PRG4: variants seen among roughly 807,000 people sequenced by gnomAD.
PRG4 encodes the protein articular superficial zone protein.
A neutral mutation model predicts 91.2 loss-of-function variants in PRG4; 61 were observed. The observed-to-expected ratio is 0.67, with a 90% CI of 0.54 to 0.83. The LOEUF (loss-of-function observed/expected upper bound fraction) is 0.83, where lower values mean the gene tolerates loss of function less well. PRG4 is among the 40% of genes least tolerant of loss of function. The pLI, the probability that PRG4 is intolerant of heterozygous loss-of-function variation, is 0.00. For synonymous variants in PRG4, 576 were observed against 614.2 expected (o/e 0.94, Z 0.92); for missense variants, 1,564 against 1,714.2 (o/e 0.91, Z 1.55).
rs1377833189 is a variant in PRG4 at position 186,313,939 on chromosome 1, C to T, written c.*161C>T. ...ATTACACTAAAACAGATTTGATAATCTTATTCACAGTTGTTATTGTTTACA... is the reference window on the plus strand; with the variant it reads ...ATTACACTAAAACAGATTTGATAATTTTATTCACAGTTGTTATTGTTTACA... On this transcript the variant is annotated 3_prime_UTR_variant, in exon 13 of 13. Coordinates refer to ENST00000445192, the MANE Select transcript of PRG4 (RefSeq NM_005807.6). 7 of 1,601,980 alleles carry T rather than the reference C, an allele frequency of 4.4e-6. No individual in the cohort carries two copies. The African/African-American group carries it at 5.4e-5, about 12-fold the overall frequency.
chr1:186,296,717 G>C (rs1243011469), intron 1 of PRG4, 129 bp from the exon 2 acceptor site: 2 of 637,774 alleles, frequency 3.1e-6, no homozygotes, highest in African/African-American at 1.8e-5. Context: ...CTGATTTAAA[G>C]TCTTGTTTCA....
chr1:186,309,981 T>C (rs1657058698), intron 8 of PRG4, 111 bp downstream of exon 8: 5 of 837,850 alleles, frequency 6.0e-6, no homozygotes, highest in South Asian at 4.1e-5. Context: ...GGGAATCTGA[T>C]TGATAAGCAC....
At position 186,307,504 on chromosome 1, in the gene PRG4, C is replaced by G; in HGVS notation, c.1785C>G (p.Thr595=). Residue 595 remains threonine (T), a synonymous_variant, in exon 7 of 13, where the codon ACC becomes ACG. Coordinates refer to ENST00000445192, the MANE Select transcript of PRG4 (RefSeq NM_005807.6). ...APTTPKEPAP[T]TTKKPAPTTP... is the part of the protein sequence containing the mutation. ...CCACTCCCAAGGAACCTGCACCCAC[C>G]ACCACCAAGAAGCCTGCACCCACCA... 6.4e-7 allele frequency: 1 copy of G among 1,563,908 alleles called. No individual in the cohort carries two copies. The highest frequency in any genetic ancestry group is 1.7e-5 in the Admixed American group (1 of 57,538).
At chr1:186,312,544 T>C in intron 11 of PRG4, 172 bp downstream of exon 11, 1 of 811,662 alleles carries the variant, frequency 1.2e-6, no homozygotes. Context: ...ACCAATACTT[T>C]CTTTTTCCTT....
chr1:186,304,313 G>A, intron 5 of PRG4, 56 bp downstream of exon 5: 29 of 1,547,334 alleles, frequency 1.9e-5, no homozygotes, highest in Non-Finnish European at 2.1e-5. Context: ...TAACTTGTAG[G>A]TGACTGCTTA....
At chr1:186,313,407 TCAAAC>T in intron 12 of PRG4, 1 of 387,924 alleles carries the variant, frequency 2.6e-6, no homozygotes, top group Non-Finnish European at 4.6e-6. Context: ...AAATTATTTT[TCAAAC>T]TTGGTTACTC....
At chr1:186,310,936 T>C (rs1160567493) in intron 8 of PRG4, 98 bp from the exon 9 acceptor site, 3 of 1,340,026 alleles carry the variant, frequency 2.2e-6, no homozygotes, top group African/African-American at 1.4e-5. Flanking sequence ...CTTCCAGTCA[T>C]ACAATGCATA....
chr1:186,299,804 A>G (rs1355740162), intron 2 of PRG4, among the ~76,000 whole-genome samples: 2 of 152,228 alleles, frequency 1.3e-5, no homozygotes, highest in East Asian at 1.9e-4. Flanking sequence ...TAGTAGCTGT[A>G]GCTGCCACCT....
chr1:186,297,099 A>G, intron 2 of PRG4, 148 bp downstream of exon 2: 2 of 711,454 alleles, frequency 2.8e-6, no homozygotes, highest in Non-Finnish European at 4.8e-6. Flanking sequence ...TATAACATGT[A>G]GCCTGTTTGT....
rs747017444 is a variant in PRG4, at chr1:186,309,139, C to T, written c.3420C>T (p.Ser1140=). Residue 1140 remains serine (S), a splice_region_variant and synonymous_variant, in exon 7 of 13, where the codon TCC becomes TCT. Transcript: ENST00000445192. ...NQGIIINPML[S]DETNICNGKP... ...GCATTATCATCAATCCCATGCTTTC[C>T]GGTATTAAGAATCAGTTATTTTCAT... The T allele has an allele frequency of 2.7e-5, 43 of 1,609,500 alleles. No individual in the cohort carries two copies. The highest frequency in any genetic ancestry group is 1.9e-4 in the African/African-American group (14 of 74,858).
intron 6 of PRG4, among the ~76,000 whole-genome samples, 172 bp downstream of exon 6, chr1:186,305,094 C>A (rs940765632): frequency 2.6e-5 from 4 of 152,170 alleles, no homozygotes; most frequent in Non-Finnish European, 4.4e-5. Flanking sequence ...GAAATTAGTG[C>A]CAAGCGGCTA....
chr1:186,304,808 G>C lies in PRG4; in HGVS notation c.484G>C (p.Glu162Gln). 6 of 1,611,936 alleles carry C rather than the reference G, an allele frequency of 3.7e-6. No individual in the cohort carries two copies. Among genetic ancestry groups the C allele is most frequent in the Non-Finnish European group, 4.2e-6 (5 of 1,178,292 alleles). The change falls in exon 6 of 13, where the codon GAA becomes CAA. Residue 162 changes from glutamate to glutamine, a missense_variant. Coordinates refer to ENST00000445192, the MANE Select transcript of PRG4 (RefSeq NM_005807.6). The stretch of plus-strand genomic sequence containing the variant: ...TTGATTTATAGAACATTCTGTTTCT[G>C]AAAATCAAGAGTCCTCCTCCTCCTC... ...EEITEEHSVS[E>Q]NQESSSSSSS... is the part of the protein sequence containing the mutation.
chr1:186,303,695 T>C (rs1484696213), intron 4 of PRG4, among the ~76,000 whole-genome samples: 1 of 151,938 alleles, frequency 6.6e-6, no homozygotes, highest in Non-Finnish European at 1.5e-5. Context: ...TTAATTTAAA[T>C]GAATATTAAA....
At position 186,301,719 on chromosome 1, in the gene PRG4, T is replaced by A; in HGVS notation, c.319+8T>A. On this transcript the variant is annotated splice_region_variant and intron_variant, in intron 4 of 12. Transcript: ENST00000445192. ...AGAGTTTCTGTGCAGAAGGTAAGCA[T>A]CACAGTACCAACCAATGCTTCTCAG... 6.2e-7 allele frequency: 1 copy of A among 1,613,304 alleles called. No individual in the cohort carries two copies. The highest frequency in any genetic ancestry group is 1.1e-5 in the South Asian group (1 of 91,072).
Position 186,307,539 on chromosome 1 carries a change from A to T in PRG4, c.1820A>T (p.Glu607Val). 6.3e-7 allele frequency: 1 copy of T among 1,580,498 alleles called. No homozygotes were observed. The highest frequency in any genetic ancestry group is 8.6e-7 in the Non-Finnish European group (1 of 1,157,510). ...AAGCCTGCACCCACCACTCCCAAAG[A>T]GCCTGCCCCAACTACCCCCAAGGAG... ...TKKPAPTTPK[E>V]PAPTTPKETA... The change falls in exon 7 of 13, where the codon GAG becomes GTG. Residue 607 changes from glutamate to valine, a missense_variant. Glu to Val is a moderately radical substitution (Grantham distance 121, BLOSUM62 -2). Transcript: ENST00000445192.
At position 186,307,627 on chromosome 1, in the gene PRG4, C is replaced by G. The variant is rs747231150; in HGVS notation, c.1908C>G (p.Thr636=). 6.3e-7 allele frequency: 1 copy of G among 1,596,238 alleles called. No individual in the cohort carries two copies. The highest frequency in any genetic ancestry group is 1.7e-5 in the Admixed American group (1 of 57,560). The change falls in exon 7 of 13, where the codon ACC becomes ACG. Residue 636 remains threonine (T), a synonymous_variant. Transcript: ENST00000445192. ...PTTPEKLAPT[T]PEKPAPTTPE... is the part of the protein sequence containing the mutation. Reference sequence around the variant, plus strand: ...CCCCCGAGAAGCTCGCACCCACCACCCCTGAGAAGCCCGCACCCACCACCC... The same window carrying G: ...CCCCCGAGAAGCTCGCACCCACCACGCCTGAGAAGCCCGCACCCACCACCC...
rs866793701 is a variant in PRG4, at chr1:186,300,273, C to T, written c.199+60C>T. The stretch of plus-strand genomic sequence containing the variant: ...CAACACTGCGAGTCTGTGAGTCCCC[C>T]CTTGCACCCTCGTGCAGTGCTGTGA... On this transcript the variant is annotated intron_variant, in intron 3 of 12. Transcript: ENST00000445192. 15 of 1,608,714 alleles carry T rather than the reference C, an allele frequency of 9.3e-6. 1 individual carries two copies. The highest frequency in any genetic ancestry group is 2.1e-4 in the Middle Eastern group (1 of 4,784).
rs1423969527 is a variant in PRG4, at chr1:186,307,866, C to T, written c.2147C>T (p.Thr716Ile). Residue 716 changes from threonine to isoleucine, a missense_variant, in exon 7 of 13, where the codon ACC (threonine) becomes ATC (isoleucine). Coordinates refer to ENST00000445192, the MANE Select transcript of PRG4 (RefSeq NM_005807.6). ...ACCCCTAAAGGGACTGCTCCAACTA[C>T]CCTCAAGGAACCTGCACCCACTACT... ...PTTPKGTAPT[T>I]LKEPAPTTPK... 1.2e-6 allele frequency: 2 copies of T among 1,603,394 alleles called. No individual in the cohort carries two copies. The highest frequency in any genetic ancestry group is 2.8e-5 in the African/African-American group (2 of 72,324).
rs1352691325 is a variant in PRG4 at position 186,313,784 on chromosome 1, T to C, written c.*6T>C. ...TCTGGTACAACTGTCCTTAGACTGA[T>C]GAGCAAAGGAGGAGTCAACTAATGA... is the stretch of plus-strand genomic sequence containing the variant. On this transcript the variant is annotated 3_prime_UTR_variant, in exon 13 of 13. Coordinates refer to ENST00000445192, the MANE Select transcript of PRG4 (RefSeq NM_005807.6). 6.3e-7 allele frequency: 1 copy of C among 1,582,302 alleles called. No individual in the cohort carries two copies. Among genetic ancestry groups the C allele is most frequent in the Non-Finnish European group, 8.7e-7 (1 of 1,151,380 alleles).
Sources: gnomAD v4.1 joint callset for allele counts (sites outside exome capture counted in the v4.1 genomes callset) on GRCh38, gnomAD v4.1.1 for gene constraint, MANE v1.5 for transcripts, NCBI Gene and HGNC (gene_info 2026-07-23, HGNC 2026-07-21) for gene names.